Variants in PARD3B observed in about 807,000 individuals in gnomAD.
PARD3B encodes the protein partitioning defective 3 homolog B.
PARD3B carries 103 observed loss-of-function variants against 130.2 expected under a neutral mutation model. The observed-to-expected ratio is 0.79, with a 90% CI of 0.67 to 0.93. The LOEUF (loss-of-function observed/expected upper bound fraction) is 0.93. PARD3B is among the 40% of genes least tolerant of loss of function. The probability of loss-of-function intolerance (pLI) is 0.00; values close to 1 mark genes in which losing one functional copy is unlikely to be tolerated. For synonymous variants in PARD3B, 583 were observed against 553.2 expected (o/e 1.05, Z -0.76); for missense variants, 1,609 against 1,499.2 (o/e 1.07, Z -1.21).
At chr2:204,859,274 A>G (rs1244664613) in intron 2 of PARD3B, among the ~76,000 whole-genome samples, 2 of 152,178 alleles carry the variant, frequency 1.3e-5, no homozygotes, top group Admixed American at 1.3e-4. Flanking sequence ...TGTTGTGAAT[A>G]AAAATTTGGG....
intron 4 of PARD3B, among the ~76,000 whole-genome samples, chr2:205,050,564 C>T (rs1559388763): frequency 6.6e-6 from 1 of 152,026 alleles, no homozygotes; most frequent in East Asian, 1.9e-4. Flanking sequence ...ATTTAATATA[C>T]ACACTGGATT....
intron 2 of PARD3B, among the ~76,000 whole-genome samples, chr2:204,880,798 G>A (rs915601213): frequency 6.6e-6 from 1 of 151,934 alleles, no homozygotes; most frequent in Admixed American, 6.6e-5. Flanking sequence ...CTAAAAAATT[G>A]CATAACCCTA....
intron 6 of PARD3B, among the ~76,000 whole-genome samples, chr2:205,117,510 C>A (rs949113873): frequency 6.6e-6 from 1 of 152,220 alleles, no homozygotes; most frequent in African/African-American, 2.4e-5. Context: ...CGTGGCCACT[C>A]CAAACAGGAG....
chr2:205,223,377 C>T (rs1179863230), intron 15 of PARD3B, among the ~76,000 whole-genome samples: 1 of 152,078 alleles, frequency 6.6e-6, no homozygotes, highest in Non-Finnish European at 1.5e-5. Flanking sequence ...AGTAGAGTTA[C>T]AGAGACAGAG....
intron 2 of PARD3B, among the ~76,000 whole-genome samples, chr2:204,889,923 A>G (rs1395126847): frequency 2.0e-5 from 3 of 152,248 alleles, no homozygotes; most frequent in Admixed American, 1.3e-4. Flanking sequence ...ATTCTTTCCA[A>G]CTGGAAGCAT....
At chr2:205,132,691 A>G (rs1355832135) in intron 10 of PARD3B, among the ~76,000 whole-genome samples, 1 of 152,162 alleles carries the variant, frequency 6.6e-6, no homozygotes, top group Non-Finnish European at 1.5e-5. Flanking sequence ...AAGATGCCAC[A>G]TTTGGGAATC....
intron 4 of PARD3B, among the ~76,000 whole-genome samples, chr2:205,097,566 ACAAG>A (rs1210875984): frequency 6.6e-6 from 1 of 152,124 alleles, no homozygotes; most frequent in African/African-American, 2.4e-5. Flanking sequence ...TGGCTCCTGG[ACAAG>A]CAGCATCAGA....
chr2:204,586,492 G>T (rs2032830787), intron 1 of PARD3B, among the ~76,000 whole-genome samples: 1 of 152,220 alleles, frequency 6.6e-6, no homozygotes, highest in South Asian at 2.1e-4. Flanking sequence ...ACCAGCAAGG[G>T]AGTTGTGGAG....
intron 19 of PARD3B, among the ~76,000 whole-genome samples, chr2:205,433,810 C>G (rs1230689118): frequency 6.6e-6 from 1 of 152,092 alleles, no homozygotes; most frequent in Non-Finnish European, 1.5e-5. Context: ...TAAGATTCAT[C>G]CCTGCTGTTG....
intron 1 of PARD3B, among the ~76,000 whole-genome samples, chr2:204,554,120 A>G (rs1181920151): frequency 2.0e-5 from 3 of 152,036 alleles, no homozygotes; most frequent in African/African-American, 4.8e-5. Context: ...TTTCCTATCT[A>G]TTGTCCATTC....
At position 205,287,180 on chromosome 2, in the gene PARD3B, G is replaced by GA. The variant is rs1158948766; in HGVS notation, c.2186-13347dup. On this transcript the variant is annotated intron_variant, in intron 16 of 22. Transcript: ENST00000406610. The surrounding 1 kb of genome is among the most constrained non-coding windows in gnomAD (Gnocchi z 4.8). Reference sequence around the variant, plus strand: ...GTTACTCAAGTGTCCGACCTGAGCAGAAACAACTGGTGGTAACATGGATTG... The same window carrying GA: ...GTTACTCAAGTGTCCGACCTGAGCAGAAAACAACTGGTGGTAACATGGATTG... Among the ~76,000 whole-genome samples the GA allele has an allele frequency of 6.6e-6, 1 of 152,220 alleles. No homozygotes were observed. Among genetic ancestry groups the GA allele is most frequent in the Non-Finnish European group, 1.5e-5 (1 of 68,044 alleles).
Position 204,678,198 on chromosome 2 carries a change from C to T in PARD3B, c.121-7983C>T, listed in dbSNP as rs114906450. 0.017 allele frequency among the ~76,000 whole-genome samples: 2,538 copies of T among 152,224 alleles called. 37 individuals carry two copies. The highest frequency in any genetic ancestry group is 0.071 in the Middle Eastern group (21 of 294). ...GGGGGAGCACGCAGGTGAGCAGGTG[C>T]AGGACCTGGGGCAAGTGCCTTTAGG... On this transcript the variant is annotated intron_variant, in intron 1 of 22. Transcript: ENST00000406610. The surrounding 1 kb of genome is among the most constrained non-coding windows in gnomAD (Gnocchi z 4.2).
rs1174486029 is a variant in PARD3B at position 205,021,850 on chromosome 2, A to G, written c.395-25731A>G. On this transcript the variant is annotated intron_variant, in intron 3 of 22. Coordinates refer to ENST00000406610, the MANE Select transcript of PARD3B (RefSeq NM_001302769.2). This position sits in a 1 kb window ranked among gnomAD's most constrained non-coding sequence, Gnocchi z 4.5. ...ATTCTGTAGCACTGGTTTTATTCCT[A>G]CACTTTACCCCCTCCATTGTAAGGG... Among the ~76,000 whole-genome samples the G allele has an allele frequency of 6.6e-6, 1 of 152,098 alleles. No individual in the cohort carries two copies. The highest frequency in any genetic ancestry group is 2.1e-4 in the South Asian group (1 of 4,824).
At chr2:205,389,192 T>G (rs2045764688) in intron 18 of PARD3B, among the ~76,000 whole-genome samples, 1 of 152,166 alleles carries the variant, frequency 6.6e-6, no homozygotes, top group South Asian at 2.1e-4. Flanking sequence ...GGCCTACTTT[T>G]AAGGTACTTA....
rs866126713 is a variant in PARD3B, at chr2:205,268,889, T to C, written c.2185+23067T>C. On this transcript the variant is annotated intron_variant, in intron 16 of 22. Coordinates refer to ENST00000406610, the MANE Select transcript of PARD3B (RefSeq NM_001302769.2). The surrounding 1 kb of genome is among the most constrained non-coding windows in gnomAD (Gnocchi z 4.1). ...AGGTAATAAGAGACTGTCTTACCAG[T>C]GATGTTATTTGCGGACTAAAGTTTC... Among the ~76,000 whole-genome samples the C allele has an allele frequency of 1.3e-5, 2 of 152,096 alleles. No homozygotes were observed. Among genetic ancestry groups the C allele is most frequent in the African/African-American group, 4.8e-5 (2 of 41,426 alleles).
chr2:205,504,939 G>A (rs943098272), intron 21 of PARD3B, among the ~76,000 whole-genome samples: 163 of 152,198 alleles, frequency 1.1e-3, no homozygotes, highest in African/African-American at 3.4e-3. Context: ...ACACATGCAC[G>A]CGTATGTTTA....
intron 18 of PARD3B, among the ~76,000 whole-genome samples, chr2:205,390,174 G>C (rs1451015030): frequency 6.8e-6 from 1 of 148,136 alleles, no homozygotes; most frequent in Non-Finnish European, 1.5e-5. Flanking sequence ...AAAAAAAAAA[G>C]CTACATAATT....
chr2:205,316,219 TA>T (rs370939564), intron 18 of PARD3B, among the ~76,000 whole-genome samples: 3 of 152,106 alleles, frequency 2.0e-5, no homozygotes, highest in Non-Finnish European at 2.9e-5. Context: ...GGGAGTTAAT[TA>T]TTTTTTTTTA....
chr2:204,609,232 T>C (rs1462668323), intron 1 of PARD3B, among the ~76,000 whole-genome samples: 1 of 152,196 alleles, frequency 6.6e-6, no homozygotes, highest in East Asian at 1.9e-4. Context: ...CAACTTATTT[T>C]TTATGAATCC....
Sources: gnomAD v4.1 joint callset for allele counts (sites outside exome capture counted in the v4.1 genomes callset) on GRCh38, gnomAD v4.1.1 for gene constraint, Gnocchi (gnomAD v3.1) non-coding constraint, MANE v1.5 for transcripts, NCBI Gene and HGNC (gene_info 2026-07-23, HGNC 2026-07-21) for gene names.